MAGI3: variants seen among roughly 807,000 people sequenced by gnomAD.
MAGI3 encodes the protein membrane associated guanylate kinase, WW and PDZ domain containing 3, also known as membrane-associated guanylate kinase, WW and PDZ domain-containing protein 3.
In MAGI3, 43 loss-of-function variants were observed where a neutral mutation model predicts 121.8. That is an observed-to-expected ratio of 0.35 (90% confidence interval 0.28 to 0.46). MAGI3 has a LOEUF of 0.46. Ranked by LOEUF, MAGI3 falls within the 20% of genes least tolerant of loss-of-function variation. The probability of loss-of-function intolerance (pLI) is 1.00; values close to 1 mark genes in which losing one functional copy is unlikely to be tolerated. For synonymous variants in MAGI3, 553 were observed against 639.3 expected, an observed-to-expected ratio of 0.86 and a Z score of 2.04; for missense variants, 1,547 against 1,797.3, an observed-to-expected ratio of 0.86 and a Z score of 2.52.
intron 1 of MAGI3, among the ~76,000 whole-genome samples, chr1:113,452,248 G>T (rs1654519555): frequency 6.6e-6 from 1 of 152,028 alleles, no homozygotes; most frequent in Non-Finnish European, 1.5e-5. Context: ...TTCTGTTTAG[G>T]ATTAAGGTTC....
chr1:113,396,423 T>C (rs979708412), intron 1 of MAGI3, among the ~76,000 whole-genome samples: 2 of 152,066 alleles, frequency 1.3e-5, no homozygotes, highest in African/African-American at 4.8e-5. Context: ...TTTCTTGAAA[T>C]ACTACATTTT....
intron 2 of MAGI3, among the ~76,000 whole-genome samples, chr1:113,564,712 A>G (rs775796498): frequency 1.4e-4 from 22 of 152,280 alleles, no homozygotes; most frequent in Admixed American, 4.6e-4. Flanking sequence ...TCTAAAACAA[A>G]TGAATGAATG....
In MAGI3 at chr1:113,685,494, A is replaced by AGAT. The variant is rs1158175847; in HGVS notation, c.*1481_*1483dup. On this transcript the variant is annotated 3_prime_UTR_variant, in exon 21 of 21. Transcript: ENST00000307546. ...ACCCAACAACTCAATTAGCCCCTGT[A>AGAT]GATAAGACATGCTTCCCAGAGTGAG... The AGAT allele has an allele frequency of 6.6e-6, 1 of 152,366 alleles. No homozygotes were observed. The highest frequency in any genetic ancestry group is 2.4e-5 in the African/African-American group (1 of 41,442). 9.4% of individuals were successfully genotyped at this position (152,366 alleles called of 1,614,324 possible). A position where few individuals can be genotyped will look rare whatever the true frequency, so the allele number is the denominator to read the frequency against.
At chr1:113,440,667 G>GA (rs1224171404) in intron 1 of MAGI3, among the ~76,000 whole-genome samples, 2 of 152,136 alleles carry the variant, frequency 1.3e-5, no homozygotes, top group Non-Finnish European at 2.9e-5. Flanking sequence ...TTCTACTAGG[G>GA]ATGAGCACAT....
At chr1:113,551,135 G>GCCCA (rs1557818364) in intron 2 of MAGI3, among the ~76,000 whole-genome samples, 1 of 152,094 alleles carries the variant, frequency 6.6e-6, no homozygotes, top group East Asian at 1.9e-4. Flanking sequence ...TACTTTACTT[G>GCCCA]GGCAAGTTAC....
At chr1:113,533,188 C>T (rs111780407) in intron 1 of MAGI3, among the ~76,000 whole-genome samples, 1 of 152,178 alleles carries the variant, frequency 6.6e-6, no homozygotes, top group East Asian at 1.9e-4. Context: ...TTACTTGTTT[C>T]GTGTCTCTCT....
rs778205249 is a variant in MAGI3, at chr1:113,684,836, A to C, written c.*822A>C. The C allele has an allele frequency of 5.3e-5, 8 of 152,354 alleles. No homozygotes were observed. Among genetic ancestry groups the C allele is most frequent in the African/African-American group, 7.2e-5 (3 of 41,452 alleles). The allele number at this position is 152,354 out of a possible 1,614,324, so 9.4% of individuals were successfully genotyped here. A position where few individuals can be genotyped will look rare whatever the true frequency, so the allele number is the denominator to read the frequency against. The stretch of plus-strand genomic sequence containing the variant: ...GTTATTTAATTATGAAACCATAAAG[A>C]AGCATGTGGAAATAGTGTTTATTGC... On this transcript the variant is annotated 3_prime_UTR_variant, in exon 21 of 21. Transcript: ENST00000307546.
At chr1:113,432,649 A>G (rs77498933) in intron 1 of MAGI3, among the ~76,000 whole-genome samples, 3 of 151,904 alleles carry the variant, frequency 2.0e-5, no homozygotes, top group Admixed American at 1.3e-4. Flanking sequence ...TTCTTTTTTT[A>G]AAGGAAGGAT....
chr1:113,589,023 A>T (rs1032504792), intron 4 of MAGI3, among the ~76,000 whole-genome samples: 11 of 152,184 alleles, frequency 7.2e-5, no homozygotes, highest in African/African-American at 2.7e-4. Flanking sequence ...AGGCAAGAGA[A>T]GATGGGATAT....
chr1:113,581,662 AC>A (rs1202377393), intron 3 of MAGI3, among the ~76,000 whole-genome samples: 1 of 151,962 alleles, frequency 6.6e-6, no homozygotes, highest in African/African-American at 2.4e-5. Flanking sequence ...CATTTCTTCC[AC>A]CCTGCCCATT....
At chr1:113,447,811 C>T (rs200574775) in intron 1 of MAGI3, among the ~76,000 whole-genome samples, 16 of 151,856 alleles carry the variant, frequency 1.1e-4, no homozygotes, top group East Asian at 3.9e-4. Context: ...GCCGAGATCA[C>T]GCCACTGCAC....
intron 1 of MAGI3, among the ~76,000 whole-genome samples, chr1:113,442,837 T>G (rs967713922): frequency 1.3e-5 from 2 of 152,114 alleles, no homozygotes; most frequent in African/African-American, 4.8e-5. Flanking sequence ...AGCTGCTAGT[T>G]TTGTCTGATA....
intron 1 of MAGI3, among the ~76,000 whole-genome samples, chr1:113,527,202 T>C (rs1412551382): frequency 6.6e-6 from 1 of 151,070 alleles, no homozygotes; most frequent in Non-Finnish European, 1.5e-5. Flanking sequence ...ATTTTTAAAA[T>C]GGCAGTTGAG....
intron 6 of MAGI3, among the ~76,000 whole-genome samples, chr1:113,610,144 T>C (rs1650032106): frequency 6.6e-6 from 1 of 152,184 alleles, no homozygotes; most frequent in African/African-American, 2.4e-5. Context: ...TGTTTGTTTG[T>C]TTGTTTTGAG....
intron 16 of MAGI3, among the ~76,000 whole-genome samples, chr1:113,665,922 A>G (rs1253662177): frequency 6.6e-6 from 1 of 152,224 alleles, no homozygotes; most frequent in Non-Finnish European, 1.5e-5. Context: ...GAATATTGCA[A>G]TAAAGTGAAT....
intron 1 of MAGI3, among the ~76,000 whole-genome samples, chr1:113,430,135 GA>G (rs1228570442): frequency 6.6e-6 from 1 of 152,024 alleles, no homozygotes; most frequent in South Asian, 2.1e-4. Context: ...GAAGTAAGGG[GA>G]AAAAAAGTGA....
At chr1:113,650,570 G>C (rs1010462323) in intron 13 of MAGI3, among the ~76,000 whole-genome samples, 6 of 152,190 alleles carry the variant, frequency 3.9e-5, no homozygotes, top group African/African-American at 1.2e-4. Context: ...TATTGAACTT[G>C]TACCGTTAGT....
At chr1:113,405,206 G>C (rs1557737720) in intron 1 of MAGI3, among the ~76,000 whole-genome samples, 1 of 152,114 alleles carries the variant, frequency 6.6e-6, no homozygotes, top group African/African-American at 2.4e-5. Flanking sequence ...AAGGCCAGAT[G>C]TGGTGGCTCA....
At chr1:113,564,169 C>T (rs1163665321) in intron 2 of MAGI3, among the ~76,000 whole-genome samples, 1 of 152,186 alleles carries the variant, frequency 6.6e-6, no homozygotes, top group Non-Finnish European at 1.5e-5. Flanking sequence ...GAGACAGAAC[C>T]TCTAAGAAGG....
Sources: allele counts gnomAD v4.1 joint callset (sites outside exome capture counted in the v4.1 genomes callset), GRCh38; gene constraint gnomAD v4.1.1; transcripts MANE v1.5; gene names NCBI Gene and HGNC (gene_info 2026-07-23, HGNC 2026-07-21).